Variants in ITPRID1 observed in about 807,000 individuals in gnomAD.
ITPRID1 encodes ITPR interacting domain containing 1.
In ITPRID1, 96 loss-of-function variants were observed where a neutral mutation model predicts 95.4. That is an observed-to-expected ratio of 1.01 (90% CI 0.85 to 1.19). The LOEUF (loss-of-function observed/expected upper bound fraction) is 1.19. ITPRID1 is among the 50% of genes most tolerant of loss of function. The pLI, the probability that ITPRID1 is intolerant of heterozygous loss-of-function variation, is 0.00. For missense variants in ITPRID1, 1,339 were observed against 1,252.9 expected (o/e 1.07, Z -1.04); for synonymous variants, 510 against 453.6 (o/e 1.12, Z -1.58).
chr7:31,644,028 TC>T, intron 12 of ITPRID1, 75 bp downstream of exon 12: 1 of 1,374,606 alleles, frequency 7.3e-7, no homozygotes, highest in Admixed American at 2.3e-5. Flanking sequence ...TATTCAGACT[TC>T]CTTGCTGAAT....
intron 10 of ITPRID1, among the ~76,000 whole-genome samples, chr7:31,617,705 C>T (rs16875606): frequency 0.043 from 6,471 of 152,046 alleles, 409 homozygotes; most frequent in African/African-American, 0.14. Flanking sequence ...TTAGTGCTCC[C>T]TCCGACCCCC....
chr7:31,614,633 A>AATTG lies in ITPRID1; in HGVS notation c.1229-27539_1229-27536dup, dbSNP rs983143694. ...GATGCTCAGTAAACATTATGGAATT[A>AATTG]ATTGATTAACTGAGATAATTTCACG... On this transcript the variant is annotated intron_variant, in intron 10 of 14. Transcript: ENST00000615280. Among the ~76,000 whole-genome samples, 6 of 152,292 alleles carry AATTG rather than the reference A, an allele frequency of 3.9e-5. No homozygotes were observed. The East Asian group carries it at 5.8e-4, about 15-fold the overall frequency.
At chr7:31,572,581 CAT>C (rs2128143873) in intron 7 of ITPRID1, among the ~76,000 whole-genome samples, 1 of 152,148 alleles carries the variant, frequency 6.6e-6, no homozygotes, top group East Asian at 1.9e-4. Context: ...AACCATAAAA[CAT>C]GTATGTAACT....
intron 10 of ITPRID1, among the ~76,000 whole-genome samples, chr7:31,635,187 G>T (rs559433366): frequency 6.6e-6 from 1 of 152,140 alleles, no homozygotes. Context: ...CTCATCCTTT[G>T]TCTCATTTAA....
chr7:31,535,744 A>G (rs1168467657), intron 1 of ITPRID1, among the ~76,000 whole-genome samples: 1 of 152,116 alleles, frequency 6.6e-6, no homozygotes, highest in Non-Finnish European at 1.5e-5. Context: ...CTATAAAGCT[A>G]TAGATTCACA....
chr7:31,574,550 T>C lies in ITPRID1; in HGVS notation c.406T>C (p.Trp136Arg). ...TATTTTTTACCACAGCATTCCTGAA[T>C]GGCTGGAATTTTGGGAGATAGATCC... is the stretch of plus-strand genomic sequence containing the variant. ...TASVPQSIPEWLEFWEIDPVE... is the reference protein window; with the variant it reads ...TASVPQSIPERLEFWEIDPVE... Residue 136 changes from tryptophan to arginine, a missense_variant, in exon 8 of 15, where the codon TGG becomes CGG. By Grantham distance (101) the Trp-to-Arg change is moderately radical (BLOSUM62 -3). Coordinates refer to ENST00000615280, the MANE Select transcript of ITPRID1 (RefSeq NM_001257967.3). The C allele has an allele frequency of 6.2e-7, 1 of 1,613,078 alleles. No homozygotes were observed. Among genetic ancestry groups the C allele is most frequent in the Non-Finnish European group, 8.5e-7 (1 of 1,179,052 alleles).
intron 9 of ITPRID1, among the ~76,000 whole-genome samples, chr7:31,580,513 C>T (rs1020270395): frequency 6.6e-6 from 1 of 151,964 alleles, no homozygotes; most frequent in Non-Finnish European, 1.5e-5. Context: ...TCAAATTTAT[C>T]AAATTTGATA....
chr7:31,618,315 A>G (rs1787464912), intron 10 of ITPRID1, among the ~76,000 whole-genome samples: 2 of 151,170 alleles, frequency 1.3e-5, no homozygotes, highest in Non-Finnish European at 2.9e-5. Context: ...GTTCATGAGA[A>G]AATCCAAAGG....
chr7:31,633,249 A>G (rs996823184), intron 10 of ITPRID1, among the ~76,000 whole-genome samples: 1 of 152,204 alleles, frequency 6.6e-6, no homozygotes, highest in African/African-American at 2.4e-5. Context: ...TCTTTGGGAA[A>G]GGAGTTCGAC....
intron 1 of ITPRID1, among the ~76,000 whole-genome samples, chr7:31,520,576 A>T (rs959227825): frequency 4.1e-5 from 6 of 145,094 alleles, no homozygotes; most frequent in Admixed American, 1.4e-4. Flanking sequence ...AGAGAGAGAG[A>T]GAGAGTTTGG....
At position 31,652,667 on chromosome 7, in the gene ITPRID1, G is replaced by A. The variant is rs753686398; in HGVS notation, c.2973G>A (p.Gln991=). Residue 991 remains glutamine (Q), a synonymous_variant, in exon 15 of 15, where the codon CAG becomes CAA. Transcript: ENST00000615280. ...PRTVFPPDDG[Q]EAPCSGGTQL... is the part of the protein sequence containing the mutation. ...CTGTGTTTCCTCCCGATGATGGCCA[G>A]GAGGCTCCCTGTTCAGGTGGGACCC... 2.5e-6 allele frequency: 4 copies of A among 1,613,886 alleles called. No individual in the cohort carries two copies. The South Asian group carries it at 4.4e-5, about 18-fold the overall frequency.
chr7:31,571,957 C>T (rs1172173677), intron 6 of ITPRID1, 145 bp from the exon 7 acceptor site: 2 of 563,008 alleles, frequency 3.6e-6, no homozygotes. Context: ...TGCAAGCTGT[C>T]TTCTGCAAAG....
chr7:31,651,948 C>T lies in ITPRID1; in HGVS notation c.2721C>T (p.Ala907=), dbSNP rs374114030. 244 of 1,593,532 alleles carry T rather than the reference C, an allele frequency of 1.5e-4. No individual in the cohort carries two copies. Among genetic ancestry groups the T allele is most frequent in the Admixed American group, 9.5e-4 (54 of 57,068 alleles). Residue 907 remains alanine, a synonymous_variant, in exon 14 of 15, where the codon GCC becomes GCT. Coordinates refer to ENST00000615280, the MANE Select transcript of ITPRID1 (RefSeq NM_001257967.3). ...TATTATTTACTTGCAGGGAGGAGGC[C>T]GAGCAACTGCAAACGTTACGTGAGG... ...RDMSEEEREE[A]EQLQTLREAL... is the part of the protein sequence containing the mutation.
Position 31,652,642 on chromosome 7 carries a change from CTG to C in ITPRID1, c.2952_2953del (p.Phe985SerfsTer4). The C allele has an allele frequency of 4.3e-6, 7 of 1,613,868 alleles. No homozygotes were observed. Among genetic ancestry groups the C allele is most frequent in the African/African-American group, 1.3e-5 (1 of 75,050 alleles). ...ATCCACCCAGGCATGGCCCCGAGGACTGTGTTTCCTCCCGATGATGGCCAGGA... is the reference window on the plus strand; with the variant it reads ...ATCCACCCAGGCATGGCCCCGAGGACTGTTTCCTCCCGATGATGGCCAGGA... On this transcript the variant is annotated frameshift_variant, in exon 15 of 15. Coordinates refer to ENST00000615280, the MANE Select transcript of ITPRID1 (RefSeq NM_001257967.3). LOFTEE classifies it low-confidence loss of function (END_TRUNC).
chr7:31,586,484 C>T (rs1220739786), intron 10 of ITPRID1, among the ~76,000 whole-genome samples: 5 of 151,398 alleles, frequency 3.3e-5, no homozygotes, highest in South Asian at 2.1e-4. Context: ...TATTTCTCCA[C>T]ATCCTCTCCA....
Position 31,652,042 on chromosome 7 carries a change from AT to A in ITPRID1, c.2819del (p.Leu940TyrfsTer24). 1 of 1,595,522 alleles carries A rather than the reference AT, an allele frequency of 6.3e-7. No homozygotes were observed. Among genetic ancestry groups the A allele is most frequent in the Non-Finnish European group, 8.5e-7 (1 of 1,170,408 alleles). ...GDRAQQIREG[I>X]LLQLEVLTAE... Reference sequence around the variant, plus strand: ...CCGGGCTCAGCAAATCAGAGAAGGGATTTTACTGGTATGGGTGATGGGGTGT... The same window carrying A: ...CCGGGCTCAGCAAATCAGAGAAGGGATTTACTGGTATGGGTGATGGGGTGT... On this transcript the variant is annotated frameshift_variant, in exon 14 of 15. Transcript: ENST00000615280. LOFTEE classifies it low-confidence loss of function (END_TRUNC).
At chr7:31,615,012 C>G (rs574607411) in intron 10 of ITPRID1, among the ~76,000 whole-genome samples, 3 of 152,002 alleles carry the variant, frequency 2.0e-5, no homozygotes, top group Non-Finnish European at 4.4e-5. Context: ...TAGGCTGAAG[C>G]CTTGAGAATG....
intron 1 of ITPRID1, among the ~76,000 whole-genome samples, chr7:31,539,308 C>G (rs909196551): frequency 6.6e-6 from 1 of 152,142 alleles, no homozygotes; most frequent in African/African-American, 2.4e-5. Flanking sequence ...CCACAGCCCC[C>G]CAAGTAGCTG....
At chr7:31,573,150 A>T (rs1021818186) in intron 7 of ITPRID1, among the ~76,000 whole-genome samples, 2 of 152,200 alleles carry the variant, frequency 1.3e-5, no homozygotes, top group African/African-American at 4.8e-5. Flanking sequence ...TATAAGTTTC[A>T]ATAATCAATT....
Sources: gnomAD v4.1 joint callset for allele counts (sites outside exome capture counted in the v4.1 genomes callset) on GRCh38, gnomAD v4.1.1 for gene constraint, MANE v1.5 for transcripts, NCBI Gene and HGNC (gene_info 2026-07-23, HGNC 2026-07-21) for gene names.